The following DHX30 variants were observed in gnomAD, a reference collection of about 807,000 sequenced individuals.
DHX30 encodes the protein ATP-dependent RNA helicase DHX30.
In DHX30, 4 loss-of-function variants were observed where a neutral mutation model predicts 116.9. That is an observed-to-expected ratio of 0.03 (90% confidence interval 0.02 to 0.08). DHX30 has a LOEUF of 0.08. Among genes scored for constraint, DHX30 ranks in the 10% least tolerant of loss-of-function variants. The pLI is 1.00. For missense variants in DHX30, 871 were observed against 1,595.1 expected (o/e 0.55, Z 7.73); for synonymous variants, 697 against 651.7 (o/e 1.07, Z -1.06).
chr3:47,839,994 T>G (rs2037297761), intron 6 of DHX30, among the ~76,000 whole-genome samples: 1 of 108,212 alleles, frequency 9.2e-6, no homozygotes, highest in African/African-American at 2.8e-5. Flanking sequence ...TTTTTTTTTC[T>G]TTTCTTTTCT....
At position 47,848,667 on chromosome 3, in the gene DHX30, C is replaced by T. The variant is rs996317930; in HGVS notation, c.2619C>T (p.Arg873=). The T allele has an allele frequency of 6.2e-7, 1 of 1,613,978 alleles. No homozygotes were observed. ...AGTACCTGACTACCCTGGGGCAGCG[C>T]CTGGCTCACATCTCCACCGACCCCC... is the stretch of plus-strand genomic sequence containing the variant. ...QREYLTTLGQ[R]LAHISTDPRL... The change falls in exon 17 of 22, where the codon CGC becomes CGT. Residue 873 remains arginine, a synonymous_variant. Coordinates refer to ENST00000445061, the MANE Select transcript of DHX30 (RefSeq NM_138615.3). The surrounding 1 kb of genome is among the most constrained non-coding windows in gnomAD (Gnocchi z 9.4).
At chr3:47,833,834 A>G (rs34249203) in intron 6 of DHX30, among the ~76,000 whole-genome samples, 94,909 of 151,630 alleles carry the variant, frequency 0.63, 30,500 homozygotes, top group East Asian at 0.72. Flanking sequence ...CTTCAGCCTG[A>G]GCAACAAGAG....
intron 4 of DHX30, among the ~76,000 whole-genome samples, chr3:47,819,442 C>T (rs1374376899): frequency 1.3e-5 from 2 of 152,188 alleles, no homozygotes; most frequent in African/African-American, 2.4e-5. Flanking sequence ...CTCTCTTCCC[C>T]AGAGGAGTGC....
chr3:47,829,287 G>GAT lies in DHX30; in HGVS notation c.366+180_366+181dup, dbSNP rs1189388149. ...TCCTTTCTTACTGTTCAGCCAATGAGATATATATATATATATATATATATA... is the reference window on the plus strand; with the variant it reads ...TCCTTTCTTACTGTTCAGCCAATGAGATATATATATATATATATATATATATA... On this transcript the variant is annotated intron_variant, in intron 6 of 21. Coordinates refer to ENST00000445061, the MANE Select transcript of DHX30 (RefSeq NM_138615.3). Among the ~76,000 whole-genome samples the GAT allele has an allele frequency of 8.3e-3, 299 of 35,836 alleles. 18 individuals carry two copies. The highest frequency in any genetic ancestry group is 0.034 in the East Asian group (41 of 1,218). The allele number at this position is 35,836 out of a possible 152,430, so 23.5% of individuals were successfully genotyped here. A position where few individuals can be genotyped will look rare whatever the true frequency, so the allele number is the denominator to read the frequency against.
chr3:47,809,144 T>C (rs1378644093), intron 2 of DHX30, among the ~76,000 whole-genome samples: 1 of 152,014 alleles, frequency 6.6e-6, no homozygotes, highest in Admixed American at 6.6e-5. Context: ...TTTTAGATTT[T>C]ATAATATTCT....
At chr3:47,810,597 C>A (rs2035746734) in intron 2 of DHX30, 60 bp from the exon 3 acceptor site, 1 of 1,394,102 alleles carries the variant, frequency 7.2e-7, no homozygotes. Context: ...CTGAAGTCTT[C>A]TTTGTGGGTT....
chr3:47,814,445 A>G (rs950736288), intron 3 of DHX30, among the ~76,000 whole-genome samples: 11 of 150,476 alleles, frequency 7.3e-5, no homozygotes, highest in African/African-American at 2.0e-4. Context: ...AAAAAAAAAA[A>G]AAAGAAAAAA....
chr3:47,824,371 G>T (rs2036441235), intron 4 of DHX30, among the ~76,000 whole-genome samples: 1 of 152,108 alleles, frequency 6.6e-6, no homozygotes, highest in Non-Finnish European at 1.5e-5. Context: ...CCAAAGCTGG[G>T]TGTTTTCACC....
chr3:47,837,043 G>C (rs1168681486), intron 6 of DHX30, among the ~76,000 whole-genome samples: 1 of 152,196 alleles, frequency 6.6e-6, no homozygotes, highest in South Asian at 2.1e-4. Flanking sequence ...AGCAGCCACA[G>C]CCAAGAAGAA....
intron 5 of DHX30, among the ~76,000 whole-genome samples, chr3:47,828,211 G>T (rs765076524): frequency 4.2e-4 from 64 of 151,896 alleles, no homozygotes; most frequent in Admixed American, 1.5e-3. Context: ...TGTAATCCCA[G>T]CACTTTAGGA....
intron 5 of DHX30, 113 bp from the exon 6 acceptor site, chr3:47,828,911 T>G: frequency 1.5e-6 from 1 of 673,202 alleles, no homozygotes; most frequent in Non-Finnish European, 2.7e-6. Flanking sequence ...CCTAGCACAT[T>G]GCTGCTGTGA....
At chr3:47,834,612 G>A (rs2037020307) in intron 6 of DHX30, among the ~76,000 whole-genome samples, 1 of 151,980 alleles carries the variant, frequency 6.6e-6, no homozygotes, top group South Asian at 2.1e-4. Flanking sequence ...TGAGACTGCA[G>A]GTGTGCGCCA....
intron 4 of DHX30, among the ~76,000 whole-genome samples, chr3:47,821,087 G>A (rs1262332963): frequency 1.3e-5 from 2 of 151,836 alleles, no homozygotes; most frequent in African/African-American, 2.4e-5. Context: ...CCTGGTAACC[G>A]GAACTACAGG....
chr3:47,848,544 G>C lies in DHX30; in HGVS notation c.2569G>C (p.Glu857Gln), dbSNP rs1180250072. Residue 857 changes from glutamate (E) to glutamine (Q), a missense_variant, in exon 16 of 22, where the codon GAG becomes CAG. By Grantham distance (29) the Glu-to-Gln change is conservative. Coordinates refer to ENST00000445061, the MANE Select transcript of DHX30 (RefSeq NM_138615.3). This position sits in a 1 kb window ranked among gnomAD's most constrained non-coding sequence, Gnocchi z 9.4. The part of the protein sequence containing the change: ...AVDEAVILLQ[E>Q]IGVLDQREYL... The stretch of plus-strand genomic sequence containing the variant: ...GGACGAGGCTGTGATCTTGCTCCAG[G>C]AGATCGGTATGTAGGGGCTGGGCTG... 2 of 1,605,834 alleles carry C rather than the reference G, an allele frequency of 1.2e-6. No homozygotes were observed.
rs375356846 is a variant in DHX30, at chr3:47,829,089, C to T, written c.321C>T (p.Ile107=). 120 of 1,608,828 alleles carry T rather than the reference C, an allele frequency of 7.5e-5. 1 individual carries two copies. Among genetic ancestry groups the T allele is most frequent in the Non-Finnish European group, 8.9e-5 (105 of 1,177,866 alleles). The change falls in exon 6 of 22, where the codon ATC becomes ATT. Residue 107 remains isoleucine (I), a synonymous_variant. Transcript: ENST00000445061. ...TAGAAGGCTATGGCAGCAAGAAGAT[C>T]GATGCTGAGCGGCAGGCTGCAGCTG... ...VEVEGYGSKK[I]DAERQAAAAA... is the part of the protein sequence containing the mutation.
intron 6 of DHX30, among the ~76,000 whole-genome samples, chr3:47,834,080 C>T (rs2036993986): frequency 6.6e-6 from 1 of 152,010 alleles, no homozygotes; most frequent in Non-Finnish European, 1.5e-5. Flanking sequence ...TTTTAGATTC[C>T]ACATATGAGA....
chr3:47,836,958 C>T (rs2037145799), intron 6 of DHX30, among the ~76,000 whole-genome samples: 1 of 152,180 alleles, frequency 6.6e-6, no homozygotes, highest in Non-Finnish European at 1.5e-5. Flanking sequence ...TCCCTTTCCC[C>T]CCAAATCAGA....
chr3:47,827,648 G>A (rs571460277), intron 5 of DHX30, among the ~76,000 whole-genome samples, 171 bp downstream of exon 5: 1 of 152,228 alleles, frequency 6.6e-6, no homozygotes, highest in South Asian at 2.1e-4. Context: ...CAGAATACAC[G>A]TGCCTGGTTT....
In DHX30 at chr3:47,847,733, A is replaced by G. The variant is rs539653923; in HGVS notation, c.2111-48A>G. On this transcript the variant is annotated intron_variant, in intron 13 of 21. Coordinates refer to ENST00000445061, the MANE Select transcript of DHX30 (RefSeq NM_138615.3). The surrounding 1 kb of genome is among the most constrained non-coding windows in gnomAD (Gnocchi z 5.5). ...TGCCCTGCCCACATTCCAGGGGGGA[A>G]TTCTGGTGGAAGCAGTGCCCATAAC... is the stretch of plus-strand genomic sequence containing the variant. 5.7e-6 allele frequency: 9 copies of G among 1,588,726 alleles called. No individual in the cohort carries two copies. Among genetic ancestry groups the G allele is most frequent in the Non-Finnish European group, 6.9e-6 (8 of 1,163,566 alleles).
Sources: allele counts gnomAD v4.1 joint callset (sites outside exome capture counted in the v4.1 genomes callset), GRCh38; gene constraint gnomAD v4.1.1; non-coding constraint Gnocchi (gnomAD v3.1); transcripts MANE v1.5; gene names NCBI Gene and HGNC (gene_info 2026-07-23, HGNC 2026-07-21).